Variants in KLF12 observed in about 807,000 individuals in gnomAD.
KLF12 encodes the protein KLF transcription factor 12.
KLF12 carries 9 observed loss-of-function variants against 37.8 expected under a neutral mutation model. The ratio of observed to expected loss-of-function variants is 0.24; its 90% CI spans 0.14 to 0.42. The LOEUF (loss-of-function observed/expected upper bound fraction) is 0.42, where lower values mean the gene tolerates loss of function less well. KLF12 is among the 10% of genes least tolerant of loss of function. The pLI is 1.00. For synonymous variants in KLF12, 208 were observed against 202.1 expected (o/e 1.03, Z -0.25); for missense variants, 411 against 516.0 (o/e 0.80, Z 1.97).
At chr13:73,759,518 C>T (rs188798413) in intron 6 of KLF12, among the ~76,000 whole-genome samples, 2 of 152,268 alleles carry the variant, frequency 1.3e-5, no homozygotes, top group Admixed American at 1.3e-4. Context: ...GCTCTCCCAT[C>T]CCATCAATCT....
chr13:73,895,796 T>C (rs542353247), intron 3 of KLF12, among the ~76,000 whole-genome samples: 7 of 150,526 alleles, frequency 4.7e-5, no homozygotes, highest in African/African-American at 1.7e-4. Flanking sequence ...ATAACCAATA[T>C]TGCAATGAGA....
At position 73,917,384 on chromosome 13, in the gene KLF12, C is replaced by T. The variant is rs574350193; in HGVS notation, c.123+26597G>A. 1.1e-4 allele frequency among the ~76,000 whole-genome samples: 16 copies of T among 152,128 alleles called. 1 individual carries two copies. In the South Asian group the frequency reaches 2.9e-3, roughly 28 times the overall value. ...AGATCAGTGGTCACCACCTTGGAGC[C>T]CTTCTACACCTTGTAAATCAGATAT... is the stretch of plus-strand genomic sequence containing the variant. On this transcript the variant is annotated intron_variant, in intron 3 of 7. Coordinates refer to ENST00000377669, the MANE Select transcript of KLF12 (RefSeq NM_007249.5).
At chr13:74,170,345 C>G in the KLF12 span, among the ~76,000 whole-genome samples, 4 of 152,154 alleles carry the variant, frequency 2.6e-5, no homozygotes, top group East Asian at 7.7e-4. Context: ...TAATAGCTTA[C>G]AATTTATAAA....
chr13:73,831,907 G>A (rs965792447), intron 4 of KLF12, among the ~76,000 whole-genome samples: 6 of 152,108 alleles, frequency 3.9e-5, no homozygotes, highest in Non-Finnish European at 7.4e-5. Flanking sequence ...AGACATTTTG[G>A]GGAACCCAAG....
At chr13:74,110,686 C>T (rs957188583) in intron 1 of KLF12, among the ~76,000 whole-genome samples, 1 of 152,090 alleles carries the variant, frequency 6.6e-6, no homozygotes, top group African/African-American at 2.4e-5. Flanking sequence ...CTTCACCAAT[C>T]ATATCACAGC....
intron 3 of KLF12, among the ~76,000 whole-genome samples, chr13:73,849,772 C>A (rs557348271): frequency 6.6e-6 from 1 of 152,136 alleles, no homozygotes; most frequent in Admixed American, 6.5e-5. Flanking sequence ...TTAATGAATT[C>A]TCATGGCAGT....
At chr13:73,724,823 C>CT (rs1876539184) in intron 6 of KLF12, among the ~76,000 whole-genome samples, 1 of 152,184 alleles carries the variant, frequency 6.6e-6, no homozygotes. Context: ...CAGTGGGTTT[C>CT]TTGACCCCTA....
rs577315787 is a variant in KLF12 at position 73,905,750 on chromosome 13, T to C, written c.123+38231A>G. ...TTGTTAATGTGCAATACATTTTTTTTTCACATGAAACATCCATCAGAAGTT... is the reference window on the plus strand; with the variant it reads ...TTGTTAATGTGCAATACATTTTTTTCTCACATGAAACATCCATCAGAAGTT... On this transcript the variant is annotated intron_variant, in intron 3 of 7. Coordinates refer to ENST00000377669, the MANE Select transcript of KLF12 (RefSeq NM_007249.5). Among the ~76,000 whole-genome samples, 6 of 152,110 alleles carry C rather than the reference T, an allele frequency of 3.9e-5. No homozygotes were observed. In the South Asian group the frequency reaches 1.2e-3, roughly 32 times the overall value.
chr13:74,280,588 G>A, the KLF12 span, among the ~76,000 whole-genome samples: 1 of 152,174 alleles, frequency 6.6e-6, no homozygotes, highest in African/African-American at 2.4e-5. Flanking sequence ...CCCATCTTGG[G>A]ATCAAAACAT....
chr13:73,815,393 A>G (rs1158235522), intron 4 of KLF12, among the ~76,000 whole-genome samples: 1 of 152,224 alleles, frequency 6.6e-6, no homozygotes, highest in African/African-American at 2.4e-5. Flanking sequence ...CTGGAAAGAT[A>G]ATGGGCAGCT....
the KLF12 span, among the ~76,000 whole-genome samples, chr13:74,241,447 C>T: frequency 2.2e-3 from 337 of 152,316 alleles, no homozygotes; most frequent in Middle Eastern, 0.02. Context: ...GCAGGCAGGC[C>T]TCCTTGAGCT....
In KLF12 at chr13:73,720,471, T is replaced by G. The variant is rs1876157482; in HGVS notation, c.870-4946A>C. 3.3e-5 allele frequency among the ~76,000 whole-genome samples: 5 copies of G among 152,342 alleles called. No homozygotes were observed. In the South Asian group the frequency reaches 1.0e-3, roughly 32 times the overall value. On this transcript the variant is annotated intron_variant, in intron 6 of 7. Transcript: ENST00000377669. The stretch of plus-strand genomic sequence containing the variant: ...GAAAATGGTAGAGGTAAAACACTTG[T>G]AACTGTGTTCCCAAATCCCGTACTA...
chr13:74,187,460 G>A, the KLF12 span, among the ~76,000 whole-genome samples: 2 of 152,080 alleles, frequency 1.3e-5, no homozygotes, highest in South Asian at 2.1e-4. Flanking sequence ...ATCCCAGAAG[G>A]TTTCTGTGAG....
intron 3 of KLF12, among the ~76,000 whole-genome samples, chr13:73,856,379 C>A (rs80221491): frequency 0.01 from 1,556 of 152,310 alleles, 32 homozygotes; most frequent in African/African-American, 0.035. Context: ...TGTAGGAAAA[C>A]TGACACCAAT....
At chr13:73,738,703 T>C (rs904856923) in intron 6 of KLF12, among the ~76,000 whole-genome samples, 4 of 152,142 alleles carry the variant, frequency 2.6e-5, no homozygotes, top group Non-Finnish European at 4.4e-5. Context: ...AAAAAGGCTG[T>C]GTAGGTGAAA....
chr13:73,830,957 T>C (rs1235382465), intron 4 of KLF12, among the ~76,000 whole-genome samples: 1 of 151,486 alleles, frequency 6.6e-6, no homozygotes, highest in Non-Finnish European at 1.5e-5. Flanking sequence ...ATAATATCAA[T>C]ATTTAGCAAC....
intron 4 of KLF12, among the ~76,000 whole-genome samples, chr13:73,826,700 T>C (rs1400582728): frequency 6.6e-6 from 1 of 152,152 alleles, no homozygotes; most frequent in Admixed American, 6.6e-5. Flanking sequence ...TAACTACATA[T>C]ATGTCCATGA....
chr13:74,043,872 C>T (rs1450767818), intron 1 of KLF12, among the ~76,000 whole-genome samples: 2 of 152,180 alleles, frequency 1.3e-5, no homozygotes, highest in African/African-American at 4.8e-5. Context: ...AACACTCCTA[C>T]AGCATTCTAT....
chr13:73,748,306 G>C (rs914435816), intron 6 of KLF12, among the ~76,000 whole-genome samples: 1 of 152,136 alleles, frequency 6.6e-6, no homozygotes, highest in Non-Finnish European at 1.5e-5. Context: ...TATGATCCTT[G>C]TCTGTCCAGA....
Sources: allele counts gnomAD v4.1 joint callset (sites outside exome capture counted in the v4.1 genomes callset), GRCh38; gene constraint gnomAD v4.1.1; transcripts MANE v1.5; gene names NCBI Gene and HGNC (gene_info 2026-07-23, HGNC 2026-07-21).